Variants in PTPN14 observed in about 807,000 individuals in gnomAD.
PTPN14 encodes tyrosine-protein phosphatase non-receptor type 14.
Under a neutral mutation model 126.8 loss-of-function variants are expected in PTPN14, and 53 were observed. The ratio of observed to expected loss-of-function variants is 0.42; its 90% CI spans 0.34 to 0.53. PTPN14 has a LOEUF of 0.53. PTPN14 is among the 20% of genes least tolerant of loss of function. The probability of loss-of-function intolerance (pLI) is 0.08; values close to 1 mark genes in which losing one functional copy is unlikely to be tolerated. For missense variants in PTPN14, 1,257 were observed against 1,552.9 expected (o/e 0.81, Z 3.20); for synonymous variants, 630 against 599.3 (o/e 1.05, Z -0.75).
intron 3 of PTPN14, among the ~76,000 whole-genome samples, chr1:214,417,036 A>T (rs1351147615): frequency 3.3e-5 from 5 of 151,976 alleles, no homozygotes; most frequent in Non-Finnish European, 7.4e-5. Flanking sequence ...AAAAAACAAC[A>T]ATTTTCATGC....
chr1:214,396,448 C>T (rs1658881568), intron 8 of PTPN14, among the ~76,000 whole-genome samples: 1 of 152,226 alleles, frequency 6.6e-6, no homozygotes, highest in Admixed American at 6.5e-5. Context: ...TACGTGGACT[C>T]ATAGCTACAT....
intron 11 of PTPN14, among the ~76,000 whole-genome samples, chr1:214,388,345 A>G (rs1349625395): frequency 6.6e-6 from 1 of 151,908 alleles, no homozygotes; most frequent in African/African-American, 2.4e-5. Context: ...GGGGGAAAAA[A>G]CCCTCAAAAC....
chr1:214,396,064 G>A (rs958480682), intron 8 of PTPN14, among the ~76,000 whole-genome samples: 9 of 152,158 alleles, frequency 5.9e-5, no homozygotes, highest in Middle Eastern at 6.8e-3. Context: ...TGCCTTCTTC[G>A]TTTCTGTGTT....
intron 3 of PTPN14, among the ~76,000 whole-genome samples, chr1:214,431,107 T>C (rs575806439): frequency 6.6e-6 from 1 of 152,270 alleles, no homozygotes; most frequent in South Asian, 2.1e-4. Context: ...TCCAGAGACA[T>C]TGAACGGCAC....
At chr1:214,515,198 G>A (rs1407096978) in intron 1 of PTPN14, among the ~76,000 whole-genome samples, 1 of 152,088 alleles carries the variant, frequency 6.6e-6, no homozygotes, top group African/African-American at 2.4e-5. Context: ...AGTGATTAAA[G>A]ACAATGAAAA....
intron 12 of PTPN14, among the ~76,000 whole-genome samples, chr1:214,385,504 G>A (rs913395088): frequency 7.0e-6 from 1 of 142,638 alleles, no homozygotes; most frequent in Non-Finnish European, 1.5e-5. Context: ...CAACCTGATT[G>A]ATTTCTACAA....
chr1:214,529,484 C>G (rs1655485957), intron 1 of PTPN14: 1 of 152,230 alleles, frequency 6.6e-6, no homozygotes, highest in Admixed American at 6.5e-5. Context: ...AGTACACTAG[C>G]AAAATAGAGC....
intron 7 of PTPN14, among the ~76,000 whole-genome samples, chr1:214,398,527 G>C (rs547789633): frequency 6.6e-6 from 1 of 151,880 alleles, no homozygotes; most frequent in East Asian, 1.9e-4. Context: ...GCTCACTGCA[G>C]CCTTGACCTC....
Position 214,479,724 on chromosome 1 carries a change from G to A in PTPN14, c.-154-14767C>T, listed in dbSNP as rs1249336688. Among the ~76,000 whole-genome samples, 8 of 151,956 alleles carry A rather than the reference G, an allele frequency of 5.3e-5. No homozygotes were observed. In the South Asian group the frequency reaches 1.7e-3, roughly 32 times the overall value. On this transcript the variant is annotated intron_variant, in intron 1 of 18. Transcript: ENST00000366956. The stretch of plus-strand genomic sequence containing the variant: ...GAAATTTATTCTTTTGAATTATTAG[G>A]GTTAGAAAGCTCAGTCGTTTTCTAT...
intron 1 of PTPN14, among the ~76,000 whole-genome samples, chr1:214,492,610 C>T (rs1256603038): frequency 6.6e-6 from 1 of 152,132 alleles, no homozygotes; most frequent in East Asian, 1.9e-4. Flanking sequence ...TGCCTGGCTA[C>T]AAAGAATGTG....
At chr1:214,403,289 A>G (rs1303936155) in intron 5 of PTPN14, among the ~76,000 whole-genome samples, 4 of 152,208 alleles carry the variant, frequency 2.6e-5, no homozygotes, top group African/African-American at 9.7e-5. Context: ...GTGTGCTTAC[A>G]TATTTCTAAT....
intron 1 of PTPN14, among the ~76,000 whole-genome samples, chr1:214,500,310 G>T (rs1654651075): frequency 6.6e-6 from 1 of 152,030 alleles, no homozygotes; most frequent in African/African-American, 2.4e-5. Context: ...TTAATTAGAA[G>T]GAGCCAGAGA....
chr1:214,387,802 A>ACATAG (rs1256994058), intron 11 of PTPN14, among the ~76,000 whole-genome samples: 1 of 152,192 alleles, frequency 6.6e-6, no homozygotes, highest in Non-Finnish European at 1.5e-5. Flanking sequence ...CTACACATCA[A>ACATAG]CATAGCTGTG....
At chr1:214,453,058 C>T (rs560548244) in intron 2 of PTPN14, among the ~76,000 whole-genome samples, 1 of 152,064 alleles carries the variant, frequency 6.6e-6, no homozygotes. Context: ...CCAGACGTGC[C>T]CTTGCCTATA....
chr1:214,403,240 G>T (rs890775946), intron 5 of PTPN14, among the ~76,000 whole-genome samples: 8 of 152,080 alleles, frequency 5.3e-5, no homozygotes, highest in Non-Finnish European at 1.0e-4. Flanking sequence ...TTCCCTATCC[G>T]CCTGCCTCTC....
Position 214,383,630 on chromosome 1 carries a change from GC to G in PTPN14, c.2224del (p.Ala742ProfsTer18), listed in dbSNP as rs1658526146. 1 of 1,613,166 alleles carries G rather than the reference GC, an allele frequency of 6.2e-7. No homozygotes were observed. The highest frequency in any genetic ancestry group is 8.5e-7 in the Non-Finnish European group (1 of 1,179,978). On this transcript the variant is annotated frameshift_variant, in exon 13 of 19. Coordinates refer to ENST00000366956, the MANE Select transcript of PTPN14 (RefSeq NM_005401.5). LOFTEE classifies it high-confidence loss of function. The surrounding 1 kb of genome is among the most constrained non-coding windows in gnomAD (Gnocchi z 4.4). ...AGGCGGGGGCTTGTTGGGGATGCGG[GC>G]CAGGGCCGCCTGCAGCTGGGCACTG... ...EYSAQLQAAL[A>X]RIPNKPPPEY...
chr1:214,358,148 T>A, intron 18 of PTPN14, 98 bp from the exon 19 acceptor site: 1 of 1,438,680 alleles, frequency 7.0e-7, no homozygotes, highest in Non-Finnish European at 9.4e-7. Flanking sequence ...CCACTGCCCA[T>A]GTCCAGGTAC....
At chr1:214,455,875 G>T (rs950187026) in intron 2 of PTPN14, among the ~76,000 whole-genome samples, 15 of 150,280 alleles carry the variant, frequency 1.0e-4, no homozygotes, top group African/African-American at 3.7e-4. Context: ...TAGAGAATAA[G>T]GGCCCTTAAA....
rs763708432 is a variant in PTPN14 at position 214,464,723 on chromosome 1, C to G, written c.81G>C (p.Leu27=). ...TGCACTCGATAACATTGCTGTCCAG[C>G]AGGCGAATCCGTGTGACAAAGCAGT... ...SKNCFVTRIR[L]LDSNVIECTL... Residue 27 remains leucine (L), a synonymous_variant, in exon 2 of 19, where the codon CTG becomes CTC. Transcript: ENST00000366956. 1 of 1,614,292 alleles carries G rather than the reference C, an allele frequency of 6.2e-7. No homozygotes were observed. The highest frequency in any genetic ancestry group is 1.7e-5 in the Admixed American group (1 of 60,036).
Sources: gnomAD v4.1 joint callset for allele counts (sites outside exome capture counted in the v4.1 genomes callset) on GRCh38, gnomAD v4.1.1 for gene constraint, Gnocchi (gnomAD v3.1) non-coding constraint, MANE v1.5 for transcripts, NCBI Gene and HGNC (gene_info 2026-07-23, HGNC 2026-07-21) for gene names.